PRKCA: variants seen among roughly 807,000 people sequenced by gnomAD.
PRKCA encodes protein kinase C alpha, also known as protein kinase C alpha type.
In PRKCA, 27 loss-of-function variants were observed where a neutral mutation model predicts 87.0. That is an observed-to-expected ratio of 0.31 (90% CI 0.23 to 0.43). The LOEUF (loss-of-function observed/expected upper bound fraction) is 0.43. Among genes scored for constraint, PRKCA ranks in the 20% least tolerant of loss-of-function variants. The pLI is 1.00. For missense variants in PRKCA, 518 were observed against 852.3 expected (o/e 0.61, Z 4.88); for synonymous variants, 329 against 311.1 (o/e 1.06, Z -0.61).
chr17:66,316,828 A>C (rs1905341729), intron 2 of PRKCA, among the ~76,000 whole-genome samples: 1 of 152,100 alleles, frequency 6.6e-6, no homozygotes, highest in East Asian at 1.9e-4. Flanking sequence ...GGGAAAAATA[A>C]AGAACTAAAA....
chr17:66,748,453 A>G (rs868102901), intron 13 of PRKCA, among the ~76,000 whole-genome samples: 3 of 152,170 alleles, frequency 2.0e-5, no homozygotes, highest in Non-Finnish European at 4.4e-5. Flanking sequence ...GGGAGGAATA[A>G]AGACCAAAGG....
At chr17:66,386,095 A>G (rs1052098507) in intron 2 of PRKCA, among the ~76,000 whole-genome samples, 1 of 152,136 alleles carries the variant, frequency 6.6e-6, no homozygotes, top group Non-Finnish European at 1.5e-5. Context: ...TTCCCATGCT[A>G]TAGGTTCATT....
chr17:66,684,239 G>A (rs1598871969), intron 5 of PRKCA, among the ~76,000 whole-genome samples: 1 of 152,220 alleles, frequency 6.6e-6, no homozygotes, highest in South Asian at 2.1e-4. Context: ...CTCTCACCGA[G>A]TGCCTATCAC....
At chr17:66,328,052 G>A (rs937944126) in intron 2 of PRKCA, among the ~76,000 whole-genome samples, 2 of 152,186 alleles carry the variant, frequency 1.3e-5, no homozygotes, top group Admixed American at 6.5e-5. Context: ...GATCAGGAAC[G>A]TCTCTCCTGA....
chr17:66,353,784 A>T (rs1907892977), intron 2 of PRKCA, among the ~76,000 whole-genome samples: 1 of 152,204 alleles, frequency 6.6e-6, no homozygotes, highest in African/African-American at 2.4e-5. Flanking sequence ...TGAAGGAATT[A>T]AGATGGTCTG....
intron 5 of PRKCA, among the ~76,000 whole-genome samples, chr17:66,675,029 A>C (rs1972289860): frequency 6.6e-6 from 1 of 152,214 alleles, no homozygotes. Flanking sequence ...AGATCCCAGC[A>C]AGCACTTGCT....
intron 3 of PRKCA, among the ~76,000 whole-genome samples, chr17:66,634,713 A>G (rs1196031159): frequency 1.8e-4 from 27 of 152,354 alleles, no homozygotes; most frequent in Admixed American, 1.7e-3. Flanking sequence ...TTCTGCATTC[A>G]GGTAGTTTTG....
intron 2 of PRKCA, among the ~76,000 whole-genome samples, chr17:66,332,171 ATT>A (rs1181565180): frequency 6.6e-6 from 1 of 150,462 alleles, no homozygotes; most frequent in Non-Finnish European, 1.5e-5. Flanking sequence ...AGGGCATCTT[ATT>A]TGATAAAATA....
intron 2 of PRKCA, among the ~76,000 whole-genome samples, chr17:66,487,898 G>C (rs1032451459): frequency 6.6e-6 from 1 of 152,072 alleles, no homozygotes; most frequent in Non-Finnish European, 1.5e-5. Flanking sequence ...CAATTCTGTA[G>C]GTTGTTTCTT....
chr17:66,709,681 G>GT (rs60508263), intron 8 of PRKCA, among the ~76,000 whole-genome samples: 10,909 of 146,616 alleles, frequency 0.074, 414 homozygotes, highest in Non-Finnish European at 0.084. Flanking sequence ...GTTAAGATAG[G>GT]TTTTTTTTTT....
rs202055833 is a variant in PRKCA at position 66,671,977 on chromosome 17, C to T, written c.530-15134C>T. On this transcript the variant is annotated intron_variant, in intron 5 of 16. Coordinates refer to ENST00000413366, the MANE Select transcript of PRKCA (RefSeq NM_002737.3). ...TTTGGAGGAAAATAAATGAGATCTT[C>T]TTTCACACTGTACACCAAAATAAAT... Among the ~76,000 whole-genome samples, 28 of 152,248 alleles carry T rather than the reference C, an allele frequency of 1.8e-4. No individual in the cohort carries two copies. In the East Asian group the frequency reaches 5.4e-3, roughly 29 times the overall value.
chr17:66,733,265 A>G (rs1369153427), intron 9 of PRKCA, among the ~76,000 whole-genome samples: 1 of 152,184 alleles, frequency 6.6e-6, no homozygotes, highest in African/African-American at 2.4e-5. Context: ...GCAAACCCAT[A>G]AAAGAAAGTC....
intron 2 of PRKCA, among the ~76,000 whole-genome samples, chr17:66,357,704 T>G (rs1259832803): frequency 1.3e-5 from 2 of 152,226 alleles, no homozygotes; most frequent in African/African-American, 4.8e-5. Flanking sequence ...TGAGAGGTAA[T>G]GTATGTGTGA....
chr17:66,740,650 C>G (rs923642025), intron 11 of PRKCA, among the ~76,000 whole-genome samples: 3 of 152,048 alleles, frequency 2.0e-5, no homozygotes, highest in Non-Finnish European at 4.4e-5. Context: ...TTTCTTCTGT[C>G]TTATGTTGTA....
At chr17:66,756,419 C>T (rs1385367264) in intron 13 of PRKCA, among the ~76,000 whole-genome samples, 2 of 152,100 alleles carry the variant, frequency 1.3e-5, no homozygotes, top group African/African-American at 2.4e-5. Context: ...AAGACAGAGA[C>T]CTCATCGTCG....
At chr17:66,606,163 G>C (rs993345520) in intron 3 of PRKCA, among the ~76,000 whole-genome samples, 1 of 152,170 alleles carries the variant, frequency 6.6e-6, no homozygotes, top group Non-Finnish European at 1.5e-5. Context: ...GCTGAGGTGG[G>C]CGGATCACGA....
At chr17:66,667,778 T>G (rs922624935) in intron 5 of PRKCA, among the ~76,000 whole-genome samples, 2 of 152,250 alleles carry the variant, frequency 1.3e-5, no homozygotes, top group African/African-American at 4.8e-5. Flanking sequence ...AATTTATTCC[T>G]CTTCCAATTA....
At chr17:66,604,091 C>CT (rs1283341008) in intron 3 of PRKCA, among the ~76,000 whole-genome samples, 1 of 152,148 alleles carries the variant, frequency 6.6e-6, no homozygotes, top group African/African-American at 2.4e-5. Context: ...GGCTGTCGCT[C>CT]CCTGCCTCTC....
chr17:66,608,118 C>G (rs996147387), intron 3 of PRKCA, among the ~76,000 whole-genome samples: 1 of 151,630 alleles, frequency 6.6e-6, no homozygotes, highest in Non-Finnish European at 1.5e-5. Context: ...AGCACACCGA[C>G]TGAAGCACAC....
Sources: gnomAD v4.1 joint callset for allele counts (sites outside exome capture counted in the v4.1 genomes callset) on GRCh38, gnomAD v4.1.1 for gene constraint, MANE v1.5 for transcripts, NCBI Gene and HGNC (gene_info 2026-07-23, HGNC 2026-07-21) for gene names.